Variants in FGF12 observed in about 807,000 individuals in gnomAD.
The protein encoded by FGF12 is fibroblast growth factor 12, also known as fibroblast growth factor 12B.
A neutral mutation model predicts 23.6 loss-of-function variants in FGF12; 14 were observed. The observed-to-expected ratio is 0.59, with a 90% CI of 0.39 to 0.93. The LOEUF (loss-of-function observed/expected upper bound fraction) is 0.93. FGF12 is among the 40% of genes least tolerant of loss of function. FGF12 has a pLI of 0.00. For missense variants in FGF12, 175 were observed against 217.8 expected, an observed-to-expected ratio of 0.80 and a Z score of 1.24; for synonymous variants, 62 against 77.3, an observed-to-expected ratio of 0.80 and a Z score of 1.04.
chr3:192,339,156 G>C (rs928824788), intron 3 of FGF12, among the ~76,000 whole-genome samples: 1 of 152,132 alleles, frequency 6.6e-6, no homozygotes. Context: ...GATTTGAAAC[G>C]AGACTTTATT....
intron 3 of FGF12, among the ~76,000 whole-genome samples, chr3:192,359,687 G>A (rs1371715536): frequency 1.3e-5 from 2 of 152,058 alleles, no homozygotes; most frequent in Non-Finnish European, 2.9e-5. Context: ...GTCATACCGT[G>A]ATGATTGCAT....
intron 2 of FGF12, among the ~76,000 whole-genome samples, chr3:192,702,931 C>G (rs992467089): frequency 7.9e-5 from 12 of 152,160 alleles, no homozygotes; most frequent in Non-Finnish European, 5.9e-5. Context: ...TTAGTATTTT[C>G]TCTACATTGC....
At chr3:192,649,093 C>A (rs897816784) in intron 2 of FGF12, among the ~76,000 whole-genome samples, 2 of 152,052 alleles carry the variant, frequency 1.3e-5, no homozygotes, top group Non-Finnish European at 2.9e-5. Context: ...TTTGAGTCAC[C>A]CTATCCAATT....
At chr3:192,607,793 G>A (rs750478047) in intron 2 of FGF12, among the ~76,000 whole-genome samples, 34 of 145,828 alleles carry the variant, frequency 2.3e-4, no homozygotes, top group African/African-American at 6.2e-4. Flanking sequence ...AGCTCTCTTC[G>A]TTTCACCATG....
intron 4 of FGF12, among the ~76,000 whole-genome samples, chr3:192,323,916 T>C (rs73066571): frequency 0.05 from 7,530 of 151,554 alleles, 545 homozygotes; most frequent in African/African-American, 0.16. Context: ...CACAGTGAAA[T>C]ACCATCTCTA....
At chr3:192,376,590 G>A (rs1038573030) in intron 2 of FGF12, among the ~76,000 whole-genome samples, 5 of 152,062 alleles carry the variant, frequency 3.3e-5, no homozygotes, top group African/African-American at 7.2e-5. Context: ...TCAAACTCCC[G>A]GCCTCAGGTG....
At chr3:192,238,925 C>T (rs1285162239) in intron 4 of FGF12, among the ~76,000 whole-genome samples, 2 of 152,176 alleles carry the variant, frequency 1.3e-5, no homozygotes, top group African/African-American at 2.4e-5. Flanking sequence ...CTAATTCTCC[C>T]AAATGTGATG....
chr3:192,482,557 C>G (rs1030920693), intron 2 of FGF12, among the ~76,000 whole-genome samples: 9 of 152,274 alleles, frequency 5.9e-5, no homozygotes, highest in Admixed American at 3.3e-4. Context: ...TGACTTGAAA[C>G]TGGGAGGTGG....
intron 5 of FGF12, among the ~76,000 whole-genome samples, chr3:192,158,231 C>A (rs72625048): frequency 0.2 from 30,339 of 152,008 alleles, 3,197 homozygotes; most frequent in South Asian, 0.34. Flanking sequence ...TTATTTCACA[C>A]CTTCCCCTTG....
At chr3:192,343,810 A>G (rs1055631120) in intron 3 of FGF12, among the ~76,000 whole-genome samples, 4 of 152,218 alleles carry the variant, frequency 2.6e-5, no homozygotes, top group Non-Finnish European at 5.9e-5. Context: ...CATAGAATAT[A>G]ACATGTTTTT....
intron 2 of FGF12, among the ~76,000 whole-genome samples, chr3:192,483,122 A>G (rs1486111599): frequency 6.6e-6 from 1 of 152,144 alleles, no homozygotes; most frequent in Non-Finnish European, 1.5e-5. Flanking sequence ...CCTCATTCTC[A>G]GCACCCCTTA....
chr3:192,686,048 G>A (rs1223415818), intron 2 of FGF12, among the ~76,000 whole-genome samples: 1 of 152,212 alleles, frequency 6.6e-6, no homozygotes, highest in Non-Finnish European at 1.5e-5. Context: ...GAAGGAAGGA[G>A]CTAGAAAGAG....
chr3:192,634,933 C>T (rs1265316218), intron 2 of FGF12, among the ~76,000 whole-genome samples: 1 of 152,146 alleles, frequency 6.6e-6, no homozygotes, highest in Admixed American at 6.5e-5. Context: ...GATCTCCACT[C>T]ACTGCAACCT....
chr3:192,207,375 G>A (rs1184791548), intron 4 of FGF12, among the ~76,000 whole-genome samples: 4 of 152,166 alleles, frequency 2.6e-5, no homozygotes, highest in Admixed American at 2.6e-4. Flanking sequence ...AGATTGCTAT[G>A]ACAATAAAGA....
Position 192,727,518 on chromosome 3 carries a change from C to T in FGF12, c.-165G>A, listed in dbSNP as rs372379079. 1.2e-3 allele frequency: 649 copies of T among 525,270 alleles called. 4 individuals are homozygous for T. Among genetic ancestry groups the T allele is most frequent in the African/African-American group, 0.011 (548 of 51,394 alleles). The allele number at this position is 525,270 out of a possible 1,614,324, so 32.5% of individuals were successfully genotyped here. A position where few individuals can be genotyped will look rare whatever the true frequency, so the allele number is the denominator to read the frequency against. On this transcript the variant is annotated 5_prime_UTR_variant, in exon 1 of 6. Transcript: ENST00000445105. ...GAAGCTGCAGGCAGGAGCTGTCCTCCGAGCGTGGTGCTGCAGGTGTAGTGA... is the reference window on the plus strand; with the variant it reads ...GAAGCTGCAGGCAGGAGCTGTCCTCTGAGCGTGGTGCTGCAGGTGTAGTGA...
At chr3:192,435,120 A>G (rs770077211) in intron 2 of FGF12, among the ~76,000 whole-genome samples, 3 of 152,092 alleles carry the variant, frequency 2.0e-5, no homozygotes, top group Non-Finnish European at 4.4e-5. Flanking sequence ...AGCTGTTCCA[A>G]TGTTCTATGA....
At chr3:192,458,945 A>C (rs2108806043) in intron 2 of FGF12, among the ~76,000 whole-genome samples, 1 of 152,228 alleles carries the variant, frequency 6.6e-6, no homozygotes, top group South Asian at 2.1e-4. Context: ...TGCAGTAGTG[A>C]ATAAGTCTAA....
At chr3:192,714,904 C>T (rs960231504) in intron 2 of FGF12, among the ~76,000 whole-genome samples, 5 of 152,234 alleles carry the variant, frequency 3.3e-5, no homozygotes, top group East Asian at 1.9e-4. Context: ...TAAGTTTCAA[C>T]GCTAGAATTT....
chr3:192,577,135 A>C (rs879916679), intron 2 of FGF12, among the ~76,000 whole-genome samples: 17 of 152,112 alleles, frequency 1.1e-4, no homozygotes, highest in Admixed American at 3.3e-4. Flanking sequence ...AGCAAACCAC[A>C]ATGGCACGTG....
Sources: allele counts gnomAD v4.1 joint callset (sites outside exome capture counted in the v4.1 genomes callset), GRCh38; gene constraint gnomAD v4.1.1; transcripts MANE v1.5; gene names NCBI Gene and HGNC (gene_info 2026-07-23, HGNC 2026-07-21).